CTNNA3: variants seen among roughly 807,000 people sequenced by gnomAD.
The protein encoded by CTNNA3 is catenin alpha-3.
CTNNA3 carries 76 observed loss-of-function variants against 95.7 expected under a neutral mutation model. The ratio of observed to expected loss-of-function variants is 0.79; its 90% CI spans 0.66 to 0.96. CTNNA3 has a LOEUF of 0.96. CTNNA3 is among the 40% of genes least tolerant of loss of function. The pLI is 0.00. For synonymous variants in CTNNA3, 431 were observed against 374.4 expected, an observed-to-expected ratio of 1.15 and a Z score of -1.74; for missense variants, 1,191 against 1,089.8, an observed-to-expected ratio of 1.09 and a Z score of -1.31.
intron 6 of CTNNA3, among the ~76,000 whole-genome samples, chr10:67,201,034 C>T (rs537930439): frequency 6.6e-6 from 1 of 152,126 alleles, no homozygotes; most frequent in Non-Finnish European, 1.5e-5. Flanking sequence ...CTATTTATTA[C>T]ATTGCTTCAT....
At chr10:67,402,345 G>A (rs1346497723) in intron 5 of CTNNA3, among the ~76,000 whole-genome samples, 1 of 152,194 alleles carries the variant, frequency 6.6e-6, no homozygotes, top group Non-Finnish European at 1.5e-5. Flanking sequence ...GAAAGAATCT[G>A]AGAGCTCAAA....
At chr10:67,333,828 A>G (rs1841886316) in intron 5 of CTNNA3, among the ~76,000 whole-genome samples, 2 of 152,074 alleles carry the variant, frequency 1.3e-5, no homozygotes, top group African/African-American at 4.8e-5. Context: ...ACTTACTTTC[A>G]TCTCTCACAT....
Position 66,069,359 on chromosome 10 carries a change from A to C in CTNNA3, c.2108T>G (p.Val703Gly). 1.2e-6 allele frequency: 2 copies of C among 1,613,744 alleles called. No homozygotes were observed. The highest frequency in any genetic ancestry group is 1.7e-6 in the Non-Finnish European group (2 of 1,179,762). Residue 703 changes from valine to glycine, a missense_variant, in exon 15 of 18, where the codon GTT becomes GGT. Coordinates refer to ENST00000433211, the MANE Select transcript of CTNNA3 (RefSeq NM_013266.4). The part of the protein sequence containing the change: ...IWDDTSNDII[V>G]LAKNMCMIMM... ...GATCATACACATGTTCTTGGCCAGA[A>C]CAATGATGTCGTTGCTTGTATCATC...
intron 7 of CTNNA3, among the ~76,000 whole-genome samples, chr10:66,860,076 T>A (rs1843853735): frequency 7.2e-6 from 1 of 138,376 alleles, no homozygotes; most frequent in African/African-American, 2.7e-5. Flanking sequence ...AAATGATGAG[T>A]TAATGGGTGC....
chr10:67,705,286 C>G (rs1037544237), intron 1 of CTNNA3, among the ~76,000 whole-genome samples: 14 of 151,910 alleles, frequency 9.2e-5, no homozygotes, highest in African/African-American at 3.4e-4. Flanking sequence ...GGGTATATAC[C>G]CAAAGGACTA....
rs542356186 is a variant in CTNNA3, at chr10:67,037,559, G to A, written c.1047+142758C>T. Among the ~76,000 whole-genome samples, 510 of 152,220 alleles carry A rather than the reference G, an allele frequency of 3.4e-3. 1 individual carries two copies. Among genetic ancestry groups the A allele is most frequent in the Non-Finnish European group, 5.1e-3 (349 of 67,996 alleles). ...ATTTCAGGTAGATTCACATGTAGAA[G>A]AGATTTGAATGAAGTATGACTGGAT... On this transcript the variant is annotated intron_variant, in intron 7 of 17. Transcript: ENST00000433211.
At chr10:66,929,512 T>G (rs910239816) in intron 7 of CTNNA3, among the ~76,000 whole-genome samples, 5 of 152,194 alleles carry the variant, frequency 3.3e-5, no homozygotes, top group Non-Finnish European at 7.3e-5. Flanking sequence ...GACACTTCAT[T>G]CAGATGTGTA....
intron 11 of CTNNA3, among the ~76,000 whole-genome samples, chr10:66,484,074 C>T (rs1394847607): frequency 2.6e-5 from 4 of 152,030 alleles, no homozygotes; most frequent in East Asian, 1.9e-4. Context: ...AGTATATTAG[C>T]ACCCTTGGAG....
intron 14 of CTNNA3, among the ~76,000 whole-genome samples, chr10:66,082,193 T>C (rs1449481238): frequency 6.6e-6 from 1 of 151,482 alleles, no homozygotes; most frequent in African/African-American, 2.4e-5. Flanking sequence ...AAAAAAAACT[T>C]AGTTTTTCAG....
chr10:66,784,043 C>T lies in CTNNA3; in HGVS notation c.1048-8519G>A, dbSNP rs565535581. On this transcript the variant is annotated intron_variant, in intron 7 of 17. Coordinates refer to ENST00000433211, the MANE Select transcript of CTNNA3 (RefSeq NM_013266.4). ...GAAACTTAGAACAGATAGACTTCCA[C>T]GATTCTGGTTATTGTTTTCACTTTC... Among the ~76,000 whole-genome samples the T allele has an allele frequency of 9.9e-5, 15 of 152,216 alleles. No homozygotes were observed. The South Asian group carries it at 1.2e-3, about 13-fold the overall frequency.
Position 67,607,168 on chromosome 10 carries a change from G to A in CTNNA3, c.100-119C>T, listed in dbSNP as rs80120561. 787 of 741,440 alleles carry A rather than the reference G, an allele frequency of 1.1e-3. 2 individuals carry two copies. In the African/African-American group the frequency reaches 0.013, roughly 12 times the overall value. 45.9% of individuals were successfully genotyped at this position (741,440 alleles called of 1,614,324 possible). On this transcript the variant is annotated intron_variant, in intron 2 of 17. Coordinates refer to ENST00000433211, the MANE Select transcript of CTNNA3 (RefSeq NM_013266.4). ...TGACACTTGAGCAACTCAAGGGCTA[G>A]GGGCGCCAACCCACCGTGCAGTTGA...
intron 15 of CTNNA3, among the ~76,000 whole-genome samples, chr10:65,995,227 T>C (rs993112126): frequency 1.2e-4 from 18 of 152,212 alleles, no homozygotes; most frequent in Non-Finnish European, 2.1e-4. Context: ...TTCCTTGACA[T>C]TTAATGTTTC....
At chr10:67,187,688 T>C (rs1421217327) in intron 6 of CTNNA3, among the ~76,000 whole-genome samples, 1 of 151,996 alleles carries the variant, frequency 6.6e-6, no homozygotes, top group Non-Finnish European at 1.5e-5. Context: ...CCAACTCAGG[T>C]GATCTTCCCA....
intron 11 of CTNNA3, among the ~76,000 whole-genome samples, chr10:66,498,251 T>C (rs1840163051): frequency 6.6e-6 from 1 of 152,126 alleles, no homozygotes; most frequent in African/African-American, 2.4e-5. Flanking sequence ...TTAATATTTA[T>C]AGAGGGGAAA....
At chr10:67,159,701 C>A (rs1286109542) in intron 7 of CTNNA3, among the ~76,000 whole-genome samples, 1 of 151,948 alleles carries the variant, frequency 6.6e-6, no homozygotes, top group African/African-American at 2.4e-5. Flanking sequence ...CTTTACCTTA[C>A]AACATATACA....
At chr10:67,244,346 CTG>C (rs1361938496) in intron 5 of CTNNA3, among the ~76,000 whole-genome samples, 1 of 152,280 alleles carries the variant, frequency 6.6e-6, no homozygotes, top group Admixed American at 6.5e-5. Flanking sequence ...AGAAACAAGA[CTG>C]AGAAGAATGC....
chr10:66,543,903 G>GTATATATATA (rs1249395466), intron 10 of CTNNA3, among the ~76,000 whole-genome samples: 1 of 44,660 alleles, frequency 2.2e-5, no homozygotes, highest in Non-Finnish European at 6.3e-5. Flanking sequence ...CTTGAGATGT[G>GTATATATATA]TGTGTGTGTA....
intron 9 of CTNNA3, among the ~76,000 whole-genome samples, chr10:66,730,125 A>G (rs986208011): frequency 6.6e-6 from 1 of 150,770 alleles, no homozygotes; most frequent in African/African-American, 2.4e-5. Flanking sequence ...AAAAAAGATC[A>G]TTCTATTATA....
chr10:66,310,029 C>G (rs1439276137), intron 12 of CTNNA3, among the ~76,000 whole-genome samples: 1 of 150,922 alleles, frequency 6.6e-6, no homozygotes, highest in Admixed American at 6.6e-5. Context: ...GAGGCTGAGG[C>G]AGGAGAATCA....
Sources: allele counts gnomAD v4.1 joint callset (sites outside exome capture counted in the v4.1 genomes callset), GRCh38; gene constraint gnomAD v4.1.1; transcripts MANE v1.5; gene names NCBI Gene and HGNC (gene_info 2026-07-23, HGNC 2026-07-21).